Variants in PCDHGA2 observed in about 807,000 individuals in gnomAD.
The protein encoded by PCDHGA2 is protocadherin gamma-A2.
A neutral mutation model predicts 59.2 loss-of-function variants in PCDHGA2; 40 were observed. The ratio of observed to expected loss-of-function variants is 0.68; its 90% CI spans 0.52 to 0.88. The LOEUF is 0.88. Among genes scored for constraint, PCDHGA2 ranks in the 40% least tolerant of loss-of-function variants. The pLI is 0.00. For synonymous variants in PCDHGA2, 560 were observed against 526.0 expected (o/e 1.06, Z -0.89); for missense variants, 1,226 against 1,204.0 (o/e 1.02, Z -0.27).
rs763239421 is a variant in PCDHGA2, at chr5:141,477,265, G to C, written c.2425-17542G>C. 1 of 1,614,198 alleles carries C rather than the reference G, an allele frequency of 6.2e-7. No homozygotes were observed. Among genetic ancestry groups the C allele is most frequent in the Admixed American group, 1.7e-5 (1 of 60,020 alleles). On this transcript the variant is annotated intron_variant, in intron 1 of 3. Coordinates refer to ENST00000394576, the MANE Select transcript of PCDHGA2 (RefSeq NM_018915.4). The surrounding 1 kb of genome is among the most constrained non-coding windows in gnomAD (Gnocchi z 4.9). ...GTGTGACTGACCTGGATGCTGGCGA[G>C]AACGGGCTGGTGACCTGCGAAGTTC...
At chr5:141,413,389 T>C (rs370906684) in intron 1 of PCDHGA2, 1 of 1,613,986 alleles carries the variant, frequency 6.2e-7, no homozygotes, top group South Asian at 1.1e-5. Context: ...CCGCATAGTC[T>C]CCAGAGGTAG....
chr5:141,418,688 A>C, intron 1 of PCDHGA2: 2 of 1,614,032 alleles, frequency 1.2e-6, no homozygotes, highest in Non-Finnish European at 1.7e-6. Flanking sequence ...CAACTCAGAG[A>C]TCACTTATTC....
In PCDHGA2 at chr5:141,351,776, C is replaced by G. The variant is rs772478650; in HGVS notation, c.2424+10381C>G. The G allele has an allele frequency of 2.1e-4, 346 of 1,613,404 alleles. 3 individuals carry two copies. In the East Asian group the frequency reaches 7.0e-3, roughly 33 times the overall value. On this transcript the variant is annotated intron_variant, in intron 1 of 3. Transcript: ENST00000394576. ...GTTGTCCTACGTGTCCGTGAGCCCG[C>G]AGAGCGGGGTGGTGTTCGCGCAGCG... is the stretch of plus-strand genomic sequence containing the variant.
chr5:141,446,087 A>G (rs2154561251), intron 1 of PCDHGA2, among the ~76,000 whole-genome samples: 1 of 152,370 alleles, frequency 6.6e-6, no homozygotes, highest in Non-Finnish European at 1.5e-5. Flanking sequence ...GTAGAAATAA[A>G]TGGATGAATT....
At chr5:141,398,866 T>TAC (rs775997367) in intron 1 of PCDHGA2, 28 of 1,613,844 alleles carry the variant, frequency 1.7e-5, no homozygotes, top group Non-Finnish European at 8.5e-7. Flanking sequence ...CCGAGACGTG[T>TAC]ACAGAGTCAG....
chr5:141,426,488 T>G, intron 1 of PCDHGA2: 1 of 328,024 alleles, frequency 3.0e-6, no homozygotes, highest in Non-Finnish European at 6.1e-6. Context: ...AACCTTAGAG[T>G]TAGTGCAGAG....
chr5:141,419,842 C>A, intron 1 of PCDHGA2: 1 of 1,614,074 alleles, frequency 6.2e-7, no homozygotes, highest in South Asian at 1.1e-5. Flanking sequence ...CCACGCTGCA[C>A]CTGGTGTTCG....
intron 1 of PCDHGA2, chr5:141,376,308 G>T (rs766557828): frequency 6.2e-7 from 1 of 1,614,208 alleles, no homozygotes; most frequent in South Asian, 1.1e-5. Context: ...CACTTTGTGG[G>T]CGTGGAAGGG....
At chr5:141,415,772 T>TTTTTTTTG in intron 1 of PCDHGA2, 1 of 1,332,986 alleles carries the variant, frequency 7.5e-7, no homozygotes. Context: ...TTTTTTTTTT[T>TTTTTTTTG]ACTTTCTGGT....
chr5:141,395,459 T>C (rs2093235244), intron 1 of PCDHGA2: 1 of 602,046 alleles, frequency 1.7e-6, no homozygotes, highest in African/African-American at 1.9e-5. Context: ...TCAACCATTT[T>C]AAGCCTTCCA....
chr5:141,432,722 T>G lies in PCDHGA2; in HGVS notation c.2425-62085T>G, dbSNP rs2097531915. 6.2e-7 allele frequency: 1 copy of G among 1,613,646 alleles called. No homozygotes were observed. Among genetic ancestry groups the G allele is most frequent in the African/African-American group, 1.3e-5 (1 of 74,900 alleles). ...CCAGGACCACGGCCAGCCCCCTCTC[T>G]CCGCCACTGTCACGCTCACCGTGGC... On this transcript the variant is annotated intron_variant, in intron 1 of 3. Coordinates refer to ENST00000394576, the MANE Select transcript of PCDHGA2 (RefSeq NM_018915.4). The surrounding 1 kb of genome is among the most constrained non-coding windows in gnomAD (Gnocchi z 6.0).
Position 141,487,928 on chromosome 5 carries a change from A to G in PCDHGA2, c.2425-6879A>G. Reference sequence around the variant, plus strand: ...GGGAGCACAGGAGGCTACAGTGCACAGGGTACAGTGCACCAGGCAGTCACT... The same window carrying G: ...GGGAGCACAGGAGGCTACAGTGCACGGGGTACAGTGCACCAGGCAGTCACT... On this transcript the variant is annotated intron_variant, in intron 1 of 3. Transcript: ENST00000394576. The surrounding 1 kb of genome is among the most constrained non-coding windows in gnomAD (Gnocchi z 5.0). The G allele has an allele frequency of 3.2e-6, 2 of 620,886 alleles. No homozygotes were observed. The highest frequency in any genetic ancestry group is 5.6e-6 in the Non-Finnish European group (2 of 355,916). The allele number at this position is 620,886 out of a possible 1,614,324, so 38.5% of individuals were successfully genotyped here. A position where few individuals can be genotyped will look rare whatever the true frequency, so the allele number is the denominator to read the frequency against.
chr5:141,419,662 T>C (rs767190243), intron 1 of PCDHGA2: 140 of 1,612,700 alleles, frequency 8.7e-5, no homozygotes, highest in South Asian at 2.2e-5. Flanking sequence ...CGGGGCACAA[T>C]GCCTGGCTGT....
At position 141,511,235 on chromosome 5, in the gene PCDHGA2, C is replaced by G; in HGVS notation, c.*62C>G. On this transcript the variant is annotated 3_prime_UTR_variant, in exon 4 of 4. Transcript: ENST00000394576. ...CCCCAACCAGCCCAGCTTCTCCTTA[C>G]CTGCACCCAGGCCTCAGAGTTTCAG... 2 of 1,592,936 alleles carry G rather than the reference C, an allele frequency of 1.3e-6. No homozygotes were observed. The highest frequency in any genetic ancestry group is 1.7e-6 in the Non-Finnish European group (2 of 1,169,652).
In PCDHGA2 at chr5:141,432,510, C is replaced by A; in HGVS notation, c.2425-62297C>A. 1 of 1,614,140 alleles carries A rather than the reference C, an allele frequency of 6.2e-7. No homozygotes were observed. The highest frequency in any genetic ancestry group is 8.5e-7 in the Non-Finnish European group (1 of 1,180,042). On this transcript the variant is annotated intron_variant, in intron 1 of 3. Coordinates refer to ENST00000394576, the MANE Select transcript of PCDHGA2 (RefSeq NM_018915.4). The surrounding 1 kb of genome is among the most constrained non-coding windows in gnomAD (Gnocchi z 6.0). ...GAGCTGGCTCCCCGCTCCGCAGAGCCCGGCTACCTGGTGACCAAGGTGGTG... is the reference window on the plus strand; with the variant it reads ...GAGCTGGCTCCCCGCTCCGCAGAGCACGGCTACCTGGTGACCAAGGTGGTG...
intron 1 of PCDHGA2, chr5:141,355,859 C>G: frequency 6.2e-7 from 1 of 1,612,324 alleles, no homozygotes; most frequent in Non-Finnish European, 8.5e-7. Context: ...GGAGGTGACC[C>G]GGTTCGCTCT....
Position 141,486,407 on chromosome 5 carries a change from C to T in PCDHGA2, c.2425-8400C>T. The T allele has an allele frequency of 6.2e-7, 1 of 1,614,134 alleles. No individual in the cohort carries two copies. Among genetic ancestry groups the T allele is most frequent in the African/African-American group, 1.3e-5 (1 of 75,046 alleles). ...CCAGTTCTCCCTGGTGACTGCTGGA[C>T]CCTTGGATCGAGAGGCCAAATCTAG... On this transcript the variant is annotated intron_variant, in intron 1 of 3. Coordinates refer to ENST00000394576, the MANE Select transcript of PCDHGA2 (RefSeq NM_018915.4). This position sits in a 1 kb window ranked among gnomAD's most constrained non-coding sequence, Gnocchi z 5.0.
At chr5:141,373,886 A>G in intron 1 of PCDHGA2, 1 of 500,972 alleles carries the variant, frequency 2.0e-6, no homozygotes, top group Non-Finnish European at 3.4e-6. Context: ...AATCAACGGA[A>G]ACTCAAGTTA....
chr5:141,419,884 C>A lies in PCDHGA2; in HGVS notation c.2425-74923C>A. 1 of 1,614,088 alleles carries A rather than the reference C, an allele frequency of 6.2e-7. No individual in the cohort carries two copies. The highest frequency in any genetic ancestry group is 8.5e-7 in the Non-Finnish European group (1 of 1,179,896). On this transcript the variant is annotated intron_variant, in intron 1 of 3. Transcript: ENST00000394576. ...GCTTGCAAGAGGTACTGCCGGATTT[C>A]AGCGACCATCCCACACCCTCTGACT... is the stretch of plus-strand genomic sequence containing the variant.
Sources: gnomAD v4.1 joint callset for allele counts (sites outside exome capture counted in the v4.1 genomes callset) on GRCh38, gnomAD v4.1.1 for gene constraint, Gnocchi (gnomAD v3.1) non-coding constraint, MANE v1.5 for transcripts, NCBI Gene and HGNC (gene_info 2026-07-23, HGNC 2026-07-21) for gene names.